CELF4: variants seen among roughly 807,000 people sequenced by gnomAD.
CELF4 encodes the protein CUGBP Elav-like family member 4.
Under a neutral mutation model 59.9 loss-of-function variants are expected in CELF4, and 18 were observed. That is an observed-to-expected ratio of 0.30 (90% CI 0.21 to 0.45). The LOEUF is 0.45. Ranked by LOEUF, CELF4 falls within the 20% of genes least tolerant of loss-of-function variation. The pLI is 1.00. For missense variants in CELF4, 456 were observed against 689.0 expected (o/e 0.66, Z 3.79); for synonymous variants, 261 against 267.1 (o/e 0.98, Z 0.22).
chr18:37,470,890 C>CAGAGAGAGAGAGAGAG (rs142446683), intron 2 of CELF4, among the ~76,000 whole-genome samples: 51 of 95,000 alleles, frequency 5.4e-4, no homozygotes, highest in African/African-American at 1.2e-3. Context: ...GTGTGTGTGA[C>CAGAGAGAGAGAGAGAG]AGAGAGAGAG....
At chr18:37,335,832 T>C (rs1021132187) in intron 2 of CELF4, among the ~76,000 whole-genome samples, 3 of 152,080 alleles carry the variant, frequency 2.0e-5, no homozygotes, top group African/African-American at 7.2e-5. Context: ...CTCTCCCTTT[T>C]CCTCAATACA....
intron 1 of CELF4, among the ~76,000 whole-genome samples, chr18:37,510,228 C>A (rs2099942687): frequency 1.3e-5 from 2 of 152,212 alleles, no homozygotes; most frequent in African/African-American, 2.4e-5. Context: ...TTACCCTCCT[C>A]CTGCCCCACG....
intron 8 of CELF4, among the ~76,000 whole-genome samples, chr18:37,270,337 C>A (rs2090558302): frequency 6.6e-6 from 1 of 152,226 alleles, no homozygotes; most frequent in East Asian, 1.9e-4. Flanking sequence ...GACTGCCAAT[C>A]GTTATACCTC....
chr18:37,349,156 A>C (rs2098379756), intron 2 of CELF4, among the ~76,000 whole-genome samples: 1 of 152,210 alleles, frequency 6.6e-6, no homozygotes, highest in Admixed American at 6.5e-5. Context: ...CACTTCATGG[A>C]AACAGTGTTC....
intron 2 of CELF4, among the ~76,000 whole-genome samples, chr18:37,438,426 A>G (rs2099700568): frequency 6.6e-6 from 1 of 152,212 alleles, no homozygotes; most frequent in East Asian, 1.9e-4. Context: ...CAGAGTAGAT[A>G]GAGTAGATAC....
At chr18:37,457,987 T>C (rs1449177554) in intron 2 of CELF4, among the ~76,000 whole-genome samples, 1 of 152,148 alleles carries the variant, frequency 6.6e-6, no homozygotes, top group Non-Finnish European at 1.5e-5. Context: ...GGTGTCAGGC[T>C]GAGGGTGTTG....
At position 37,254,185 on chromosome 18, in the gene CELF4, C is replaced by A. The variant is rs2154279186; in HGVS notation, c.1334-247G>T. Among the ~76,000 whole-genome samples the A allele has an allele frequency of 6.6e-6, 1 of 151,256 alleles. No individual in the cohort carries two copies. Among genetic ancestry groups the A allele is most frequent in the Non-Finnish European group, 1.5e-5 (1 of 67,666 alleles). On this transcript the variant is annotated intron_variant, in intron 11 of 12. Transcript: ENST00000420428. This position sits in a 1 kb window ranked among gnomAD's most constrained non-coding sequence, Gnocchi z 5.1. ...GCCTAGTCTCTGGCCGCGTCACTCG[C>A]CCGGCGCCCGCTCCCCAAGTGGGGC... is the stretch of plus-strand genomic sequence containing the variant.
At chr18:37,423,947 T>C (rs1230219586) in intron 2 of CELF4, among the ~76,000 whole-genome samples, 1 of 151,972 alleles carries the variant, frequency 6.6e-6, no homozygotes, top group Non-Finnish European at 1.5e-5. Context: ...CTGAGTTTCT[T>C]CCTTATCCAC....
At chr18:37,272,500 G>T (rs1289521505) in intron 7 of CELF4, among the ~76,000 whole-genome samples, 1 of 146,988 alleles carries the variant, frequency 6.8e-6, no homozygotes, top group Non-Finnish European at 1.5e-5. Context: ...GATAACTCTT[G>T]TGGTTCTCTC....
chr18:37,427,123 G>A (rs2099619436), intron 2 of CELF4, among the ~76,000 whole-genome samples: 3 of 152,116 alleles, frequency 2.0e-5, no homozygotes, highest in Admixed American at 2.0e-4. Flanking sequence ...GAGGAAGAAG[G>A]CCCTTGTTCA....
chr18:37,486,474 TGTG>T (rs1211011501), intron 1 of CELF4, among the ~76,000 whole-genome samples: 3 of 152,290 alleles, frequency 2.0e-5, no homozygotes, highest in East Asian at 3.9e-4. Context: ...GTCCTTTAGG[TGTG>T]GTGACAAGGC....
chr18:37,384,052 C>T (rs570999106), intron 2 of CELF4, among the ~76,000 whole-genome samples: 1 of 152,288 alleles, frequency 6.6e-6, no homozygotes, highest in South Asian at 2.1e-4. Context: ...CTTGTCCTGC[C>T]TCCTGCATGG....
chr18:37,302,999 C>A (rs1348477390), intron 3 of CELF4, among the ~76,000 whole-genome samples: 2 of 152,040 alleles, frequency 1.3e-5, no homozygotes, highest in Non-Finnish European at 2.9e-5. Flanking sequence ...AAACTGGGGG[C>A]CCCTGGAGGG....
intron 3 of CELF4, among the ~76,000 whole-genome samples, chr18:37,292,052 C>T (rs772109361): frequency 1.3e-5 from 2 of 151,746 alleles, no homozygotes; most frequent in Non-Finnish European, 2.9e-5. Flanking sequence ...AAAAAAGAGG[C>T]CTGAGGGAGT....
At chr18:37,514,641 T>A (rs2099948571) in intron 1 of CELF4, among the ~76,000 whole-genome samples, 1 of 152,040 alleles carries the variant, frequency 6.6e-6, no homozygotes, top group African/African-American at 2.4e-5. Flanking sequence ...AACAAACAAC[T>A]TCAGAAAAGC....
At chr18:37,403,297 GC>G (rs1374259791) in intron 2 of CELF4, among the ~76,000 whole-genome samples, 1 of 152,080 alleles carries the variant, frequency 6.6e-6, no homozygotes, top group South Asian at 2.1e-4. Flanking sequence ...CTGTCTCCCT[GC>G]CCCCCTCCAT....
At chr18:37,511,810 A>C (rs2099944662) in intron 1 of CELF4, among the ~76,000 whole-genome samples, 1 of 151,758 alleles carries the variant, frequency 6.6e-6, no homozygotes, top group African/African-American at 2.4e-5. Context: ...CAGCATCTCC[A>C]CCCACTTTAT....
intron 2 of CELF4, among the ~76,000 whole-genome samples, chr18:37,458,707 G>A (rs1321609139): frequency 1.3e-5 from 2 of 152,002 alleles, no homozygotes; most frequent in Admixed American, 1.3e-4. Flanking sequence ...GCAGAACCGG[G>A]CATCACATGC....
intron 2 of CELF4, among the ~76,000 whole-genome samples, chr18:37,323,940 G>A (rs2097208912): frequency 6.6e-6 from 1 of 152,168 alleles, no homozygotes; most frequent in Admixed American, 6.5e-5. Flanking sequence ...TGCTCCAGGA[G>A]GAGAGGACCA....
Sources: gnomAD v4.1 joint callset for allele counts (sites outside exome capture counted in the v4.1 genomes callset) on GRCh38, gnomAD v4.1.1 for gene constraint, Gnocchi (gnomAD v3.1) non-coding constraint, MANE v1.5 for transcripts, NCBI Gene and HGNC (gene_info 2026-07-23, HGNC 2026-07-21) for gene names.